The following RNF8 variants were observed in gnomAD, a reference collection of about 807,000 sequenced individuals.
RNF8 encodes E3 ubiquitin-protein ligase RNF8.
A neutral mutation model predicts 59.3 loss-of-function variants in RNF8; 8 were observed. The ratio of observed to expected loss-of-function variants is 0.13; its 90% confidence interval spans 0.08 to 0.24. RNF8 has a LOEUF of 0.24. Ranked by LOEUF, RNF8 falls within the 10% of genes least tolerant of loss-of-function variation. The probability of loss-of-function intolerance (pLI) is 1.00; values close to 1 mark genes in which losing one functional copy is unlikely to be tolerated. For missense variants in RNF8, 406 were observed against 572.6 expected, an observed-to-expected ratio of 0.71 and a Z score of 2.97; for synonymous variants, 162 against 200.0, an observed-to-expected ratio of 0.81 and a Z score of 1.60.
rs542243518 is a variant in RNF8, at chr6:37,360,213, A to G, written c.112-233A>G. 6.6e-6 allele frequency among the ~76,000 whole-genome samples: 1 copy of G among 152,366 alleles called. No individual in the cohort carries two copies. Among genetic ancestry groups the G allele is most frequent in the East Asian group, 1.9e-4 (1 of 5,188 alleles). On this transcript the variant is annotated intron_variant, in intron 1 of 7. Transcript: ENST00000373479. The surrounding 1 kb of genome is among the most constrained non-coding windows in gnomAD (Gnocchi z 4.2). ...TTCAAGATCTTGGCAACCCTGAGAT[A>G]CATGGATAACTCTTTTTCAGCTTTC...
In RNF8 at chr6:37,382,503, C is replaced by T. The variant is rs942123935; in HGVS notation, c.1441+1149C>T. On this transcript the variant is annotated intron_variant, in intron 7 of 7. Transcript: ENST00000373479. ...ACGGAGGCTTTGTGAATTTTTTTTTCTTCCCTCTTTCCCTTTTTGAGAGGA... is the reference window on the plus strand; with the variant it reads ...ACGGAGGCTTTGTGAATTTTTTTTTTTTCCCTCTTTCCCTTTTTGAGAGGA... Among the ~76,000 whole-genome samples the T allele has an allele frequency of 1.2e-4, 19 of 152,046 alleles. No individual in the cohort carries two copies. The South Asian group carries it at 2.3e-3, about 18-fold the overall frequency.
At chr6:37,369,464 A>C (rs1453993983) in intron 3 of RNF8, among the ~76,000 whole-genome samples, 1 of 152,244 alleles carries the variant, frequency 6.6e-6, no homozygotes, top group Non-Finnish European at 1.5e-5. Context: ...AGTGACCAGC[A>C]GAGCCAGCCA....
At position 37,376,944 on chromosome 6, in the gene RNF8, C is replaced by A; in HGVS notation, c.1147C>A (p.Gln383Lys). 1 of 1,611,958 alleles carries A rather than the reference C, an allele frequency of 6.2e-7. No individual in the cohort carries two copies. The change falls in exon 6 of 8, where the codon CAA becomes AAA. Residue 383 changes from glutamine to lysine, a missense_variant. Coordinates refer to ENST00000373479, the MANE Select transcript of RNF8 (RefSeq NM_003958.4). ...CTTGCAGGAAGAGAAGGAGAAGATG[C>A]AAGCACAGAAGGAAGAAGTTCTTAG... The part of the protein sequence containing the change: ...EQTKEEKEKM[Q>K]AQKEEVLSHM...
chr6:37,354,310 G>A, intron 1 of RNF8, 35 bp downstream of exon 1: 1 of 1,484,988 alleles, frequency 6.7e-7, no homozygotes, highest in Non-Finnish European at 9.0e-7. Context: ...GCGGAGGGCA[G>A]GGGCTGGAGG....
At chr6:37,387,707 C>T (rs1770570737) in intron 7 of RNF8, among the ~76,000 whole-genome samples, 1 of 152,176 alleles carries the variant, frequency 6.6e-6, no homozygotes, top group Non-Finnish European at 1.5e-5. Flanking sequence ...GCAAAGAGGG[C>T]ATGTGCAGTC....
intron 7 of RNF8, among the ~76,000 whole-genome samples, chr6:37,387,476 G>A (rs1770556060): frequency 6.6e-6 from 1 of 152,108 alleles, no homozygotes; most frequent in African/African-American, 2.4e-5. Flanking sequence ...TAGTAGCTGG[G>A]GCTACAGGCG....
Position 37,360,483 on chromosome 6 carries a change from T to C in RNF8, c.149T>C (p.Leu50Pro). Residue 50 changes from leucine to proline, a missense_variant, in exon 2 of 8, where the codon CTG becomes CCG. Coordinates refer to ENST00000373479, the MANE Select transcript of RNF8 (RefSeq NM_003958.4). The surrounding 1 kb of genome is among the most constrained non-coding windows in gnomAD (Gnocchi z 4.2). Reference protein sequence around the residue: ...VGRGFGVTYQLVSKICPLMIS... With the variant: ...VGRGFGVTYQPVSKICPLMIS... ...CGAGGATTTGGTGTCACATACCAACTGGTATCAAAAATCTGCCCCCTGATG... is the reference window on the plus strand; with the variant it reads ...CGAGGATTTGGTGTCACATACCAACCGGTATCAAAAATCTGCCCCCTGATG... The C allele has an allele frequency of 6.2e-7, 1 of 1,614,080 alleles. No homozygotes were observed. The highest frequency in any genetic ancestry group is 8.5e-7 in the Non-Finnish European group (1 of 1,179,972).
chr6:37,376,741 G>A (rs1770034694), intron 5 of RNF8, among the ~76,000 whole-genome samples, 185 bp from the exon 6 acceptor site: 1 of 152,186 alleles, frequency 6.6e-6, no homozygotes. Flanking sequence ...TTAGTGCTCT[G>A]TATTAGAAAA....
At chr6:37,357,035 G>A (rs1306589204) in intron 1 of RNF8, among the ~76,000 whole-genome samples, 2 of 152,186 alleles carry the variant, frequency 1.3e-5, no homozygotes, top group African/African-American at 4.8e-5. Flanking sequence ...CACCACACCT[G>A]GCCAGATTTA....
chr6:37,367,840 A>G lies in RNF8; in HGVS notation c.241-644A>G, dbSNP rs1387150091. Reference sequence around the variant, plus strand: ...CCTGTTCTGCAGACAAAACTGAGGCATGGAGAGGTTAAGTAAATTGCCAAA... The same window carrying G: ...CCTGTTCTGCAGACAAAACTGAGGCGTGGAGAGGTTAAGTAAATTGCCAAA... On this transcript the variant is annotated intron_variant, in intron 2 of 7. Transcript: ENST00000373479. 3.3e-5 allele frequency among the ~76,000 whole-genome samples: 5 copies of G among 152,228 alleles called. No homozygotes were observed. In the East Asian group the frequency reaches 9.6e-4, roughly 29 times the overall value.
Position 37,369,051 on chromosome 6 carries a change from G to A in RNF8, c.808G>A (p.Val270Ile), listed in dbSNP as rs542382214. Residue 270 changes from valine to isoleucine, a missense_variant, in exon 3 of 8, where the codon GTT (valine) becomes ATT (isoleucine). Val to Ile is a conservative substitution (Grantham distance 29, BLOSUM62 3). Transcript: ENST00000373479. ...ACAGATGCAGGAAAAACATGAAGCC[G>A]TTATGAATGTGAAAAAGCAGACCCA... is the stretch of plus-strand genomic sequence containing the variant. Reference protein sequence around the residue: ...KIQMQEKHEAVMNVKKQTQKG... With the variant: ...KIQMQEKHEAIMNVKKQTQKG... 4.6e-5 allele frequency: 74 copies of A among 1,614,194 alleles called. No homozygotes were observed. The Middle Eastern group carries it at 4.9e-4, about 11-fold the overall frequency.
chr6:37,358,739 G>T (rs190960494), intron 1 of RNF8, among the ~76,000 whole-genome samples: 340 of 152,204 alleles, frequency 2.2e-3, no homozygotes, highest in African/African-American at 7.6e-3. Context: ...AGCTAACTTT[G>T]GTTTAAAGTT....
At chr6:37,377,695 A>G (rs1291037794) in intron 6 of RNF8, among the ~76,000 whole-genome samples, 1 of 152,236 alleles carries the variant, frequency 6.6e-6, no homozygotes. Context: ...AAGCTGCTCA[A>G]TAAAAGCTAT....
chr6:37,376,860 G>A (rs978792486), intron 5 of RNF8, 66 bp from the exon 6 acceptor site: 4 of 959,230 alleles, frequency 4.2e-6, no homozygotes, highest in Non-Finnish European at 6.8e-6. Context: ...AATTGACCCT[G>A]CTCCCTGTCC....
At chr6:37,359,741 A>T (rs1266070882) in intron 1 of RNF8, among the ~76,000 whole-genome samples, 1 of 152,226 alleles carries the variant, frequency 6.6e-6, no homozygotes, top group Non-Finnish European at 1.5e-5. Flanking sequence ...AGCTAATGCA[A>T]TTTATATGCT....
Position 37,360,623 on chromosome 6 carries a change from C to A in RNF8, c.240+49C>A. 4 of 1,269,110 alleles carry A rather than the reference C, an allele frequency of 3.2e-6. No individual in the cohort carries two copies. The highest frequency in any genetic ancestry group is 1.6e-5 in the African/African-American group (1 of 63,456). The allele number at this position is 1,269,110 out of a possible 1,614,324, so 78.6% of individuals were successfully genotyped here. A position where few individuals can be genotyped will look rare whatever the true frequency, so the allele number is the denominator to read the frequency against. ...ATGACTTTTATTTGTTTTTAAATTA[C>A]TTTTTTTTTTTTTTGCATAGGTAAT... On this transcript the variant is annotated intron_variant, in intron 2 of 7. Coordinates refer to ENST00000373479, the MANE Select transcript of RNF8 (RefSeq NM_003958.4). The surrounding 1 kb of genome is among the most constrained non-coding windows in gnomAD (Gnocchi z 4.2).
chr6:37,362,778 T>C (rs1252424192), intron 2 of RNF8, among the ~76,000 whole-genome samples: 1 of 152,244 alleles, frequency 6.6e-6, no homozygotes, highest in African/African-American at 2.4e-5. Flanking sequence ...AACTCAGAGC[T>C]GCATTCTCTT....
chr6:37,369,350 G>A, intron 3 of RNF8, 132 bp downstream of exon 3: 1 of 1,122,954 alleles, frequency 8.9e-7, no homozygotes, highest in South Asian at 1.7e-5. Flanking sequence ...AATGGAATGG[G>A]AACAGTAAAC....
intron 1 of RNF8, among the ~76,000 whole-genome samples, chr6:37,356,677 T>G (rs1472984803): frequency 6.6e-6 from 1 of 152,118 alleles, no homozygotes; most frequent in Non-Finnish European, 1.5e-5. Flanking sequence ...TTGTATTTAG[T>G]TTTCATTAAG....
Sources: allele counts gnomAD v4.1 joint callset (sites outside exome capture counted in the v4.1 genomes callset), GRCh38; gene constraint gnomAD v4.1.1; non-coding constraint Gnocchi (gnomAD v3.1); transcripts MANE v1.5; gene names NCBI Gene and HGNC (gene_info 2026-07-23, HGNC 2026-07-21).